The following ZBTB16 variants were observed in gnomAD, a reference collection of about 807,000 sequenced individuals.
ZBTB16 encodes zinc finger and BTB domain-containing protein 16.
ZBTB16 carries 8 observed loss-of-function variants against 56.8 expected under a neutral mutation model. That is an observed-to-expected ratio of 0.14 (90% CI 0.08 to 0.25). The LOEUF is 0.25. Among genes scored for constraint, ZBTB16 ranks in the 10% least tolerant of loss-of-function variants. The probability of loss-of-function intolerance (pLI) is 1.00; values close to 1 mark genes in which losing one functional copy is unlikely to be tolerated. For missense variants in ZBTB16, 625 were observed against 903.0 expected (o/e 0.69, Z 3.95); for synonymous variants, 363 against 368.5 (o/e 0.98, Z 0.17).
chr11:114,172,316 C>T (rs555327991), intron 3 of ZBTB16, among the ~76,000 whole-genome samples: 1 of 152,298 alleles, frequency 6.6e-6, no homozygotes, highest in South Asian at 2.1e-4. Flanking sequence ...AAGGAGGAAA[C>T]CAGAGATAAT....
intron 4 of ZBTB16, among the ~76,000 whole-genome samples, chr11:114,216,770 G>C (rs983137949): frequency 6.6e-6 from 1 of 152,102 alleles, no homozygotes; most frequent in African/African-American, 2.4e-5. Context: ...GAACCAAGAC[G>C]GCTTGCCACT....
At chr11:114,117,130 A>G (rs1472276485) in intron 2 of ZBTB16, among the ~76,000 whole-genome samples, 1 of 152,102 alleles carries the variant, frequency 6.6e-6, no homozygotes, top group Non-Finnish European at 1.5e-5. Flanking sequence ...GGTAGAGGTA[A>G]CAGCACACGC....
In ZBTB16 at chr11:114,100,612, A is replaced by G. The variant is rs555302740; in HGVS notation, c.1268+36044A>G. 1.3e-5 allele frequency among the ~76,000 whole-genome samples: 2 copies of G among 152,278 alleles called. 1 individual carries two copies. Among genetic ancestry groups the G allele is most frequent in the African/African-American group, 4.8e-5 (2 of 41,560 alleles). ...ATTTTATCCTCCCTCTCGGGAGACT[A>G]TGGGCATAGAACGGTGTGGGGATTT... On this transcript the variant is annotated intron_variant, in intron 2 of 6. Coordinates refer to ENST00000335953, the MANE Select transcript of ZBTB16 (RefSeq NM_006006.6).
chr11:114,160,335 G>A lies in ZBTB16; in HGVS notation c.1366+3901G>A, dbSNP rs538821696. ...TTTCTCCGATGCTTGAGAATAGGCC[G>A]CATTGAATTCCGCAGAGATGTCATT... On this transcript the variant is annotated intron_variant, in intron 3 of 6. Coordinates refer to ENST00000335953, the MANE Select transcript of ZBTB16 (RefSeq NM_006006.6). Among the ~76,000 whole-genome samples, 5 of 152,264 alleles carry A rather than the reference G, an allele frequency of 3.3e-5. No homozygotes were observed. In the South Asian group the frequency reaches 6.2e-4, roughly 19 times the overall value.
At chr11:114,067,538 C>G (rs1318831195) in intron 2 of ZBTB16, among the ~76,000 whole-genome samples, 1 of 152,168 alleles carries the variant, frequency 6.6e-6, no homozygotes, top group Non-Finnish European at 1.5e-5. Flanking sequence ...TCCTGAGCAG[C>G]TGGGACTACA....
chr11:114,112,400 T>A (rs1448294264), intron 2 of ZBTB16, among the ~76,000 whole-genome samples: 1 of 152,050 alleles, frequency 6.6e-6, no homozygotes, highest in Non-Finnish European at 1.5e-5. Context: ...AGTATTTGGA[T>A]AATGAGAGAT....
intron 4 of ZBTB16, among the ~76,000 whole-genome samples, chr11:114,206,436 C>G (rs1033264371): frequency 2.0e-5 from 3 of 152,150 alleles, no homozygotes; most frequent in African/African-American, 7.2e-5. Flanking sequence ...GTGCCATCTC[C>G]AGAAAAGCTC....
At chr11:114,157,520 C>G (rs1942447793) in intron 3 of ZBTB16, among the ~76,000 whole-genome samples, 1 of 152,228 alleles carries the variant, frequency 6.6e-6, no homozygotes, top group South Asian at 2.1e-4. Context: ...ATCCTTGTTT[C>G]TGAGCCTGTT....
At chr11:114,099,075 A>G (rs1017104893) in intron 2 of ZBTB16, among the ~76,000 whole-genome samples, 7 of 152,196 alleles carry the variant, frequency 4.6e-5, no homozygotes, top group Non-Finnish European at 7.3e-5. Context: ...TGGGAAATCA[A>G]TATGTTTGCC....
intron 3 of ZBTB16, among the ~76,000 whole-genome samples, chr11:114,162,101 A>AAAGGC (rs958771908): frequency 1.3e-5 from 2 of 152,052 alleles, no homozygotes; most frequent in Non-Finnish European, 2.9e-5. Context: ...TCGTTGATAG[A>AAAGGC]TTTTCTGATT....
intron 4 of ZBTB16, among the ~76,000 whole-genome samples, chr11:114,197,262 T>G (rs1001084000): frequency 2.0e-5 from 3 of 152,186 alleles, no homozygotes; most frequent in African/African-American, 4.8e-5. Context: ...TGTTGTCGGC[T>G]GCAAGAGTCT....
chr11:114,188,982 C>T (rs1349898247), intron 4 of ZBTB16: 2 of 152,138 alleles, frequency 1.3e-5, no homozygotes, highest in South Asian at 4.1e-4. Flanking sequence ...TTGCAGAAGC[C>T]CTGAGGCTGG....
At chr11:114,097,018 C>T (rs543147453) in intron 2 of ZBTB16, among the ~76,000 whole-genome samples, 1 of 152,142 alleles carries the variant, frequency 6.6e-6, no homozygotes, top group Admixed American at 6.5e-5. Context: ...GCAGCATTAG[C>T]CAAAATAGCC....
chr11:114,108,575 C>G (rs1940885331), intron 2 of ZBTB16, among the ~76,000 whole-genome samples: 1 of 152,174 alleles, frequency 6.6e-6, no homozygotes, highest in Admixed American at 6.5e-5. Context: ...CCCTGCTCAA[C>G]TCTCTAAAAG....
intron 3 of ZBTB16, among the ~76,000 whole-genome samples, chr11:114,179,037 C>T (rs183507165): frequency 1.4e-4 from 21 of 152,282 alleles, no homozygotes; most frequent in African/African-American, 5.1e-4. Flanking sequence ...GTTCATTCAC[C>T]CTCCCATCTT....
chr11:114,092,206 T>G (rs1407269498), intron 2 of ZBTB16, among the ~76,000 whole-genome samples: 2 of 152,220 alleles, frequency 1.3e-5, no homozygotes, highest in Non-Finnish European at 2.9e-5. Context: ...GTTTGTGCAT[T>G]CAGGCCTTCC....
chr11:114,178,873 C>A (rs1943181396), intron 3 of ZBTB16, among the ~76,000 whole-genome samples: 1 of 152,210 alleles, frequency 6.6e-6, no homozygotes, highest in African/African-American at 2.4e-5. Context: ...AGGTGTCAGT[C>A]ATTTGCCAGG....
intron 3 of ZBTB16, among the ~76,000 whole-genome samples, chr11:114,182,568 T>C (rs1410432935): frequency 6.6e-6 from 1 of 152,158 alleles, no homozygotes; most frequent in Non-Finnish European, 1.5e-5. Flanking sequence ...TGGCAAGTCA[T>C]GGCCATCCCA....
At chr11:114,137,036 A>G (rs1347535061) in intron 2 of ZBTB16, among the ~76,000 whole-genome samples, 1 of 152,132 alleles carries the variant, frequency 6.6e-6, no homozygotes, top group African/African-American at 2.4e-5. Flanking sequence ...GCTTGAGTAC[A>G]TTCATTTATT....
Sources: gnomAD v4.1 joint callset for allele counts (sites outside exome capture counted in the v4.1 genomes callset) on GRCh38, gnomAD v4.1.1 for gene constraint, MANE v1.5 for transcripts, NCBI Gene and HGNC (gene_info 2026-07-23, HGNC 2026-07-21) for gene names.